THUMPD1: variants seen among roughly 807,000 people sequenced by gnomAD.
The protein encoded by THUMPD1 is THUMP domain 1 NAT10 acetyltransferase adaptor, also known as THUMP domain-containing protein 1.
THUMPD1 carries 31 observed loss-of-function variants against 31.6 expected under a neutral mutation model. That is an observed-to-expected ratio of 0.98 (90% CI 0.74 to 1.32). The LOEUF (loss-of-function observed/expected upper bound fraction) is 1.32, where lower values mean the gene tolerates loss of function less well. Ranked by LOEUF, THUMPD1 falls within the 40% of genes most tolerant of loss-of-function variation. The pLI is 0.00. For missense variants in THUMPD1, 446 were observed against 427.8 expected (o/e 1.04, Z -0.38); for synonymous variants, 166 against 158.2 (o/e 1.05, Z -0.37).
At chr16:20,738,041 A>G (rs1056663863) in intron 2 of THUMPD1, 85 bp from the exon 3 acceptor site, 19 of 1,233,634 alleles carry the variant, frequency 1.5e-5, no homozygotes, top group Middle Eastern at 2.6e-4. Context: ...TGGCAATGAC[A>G]TAAGTTGACA....
intron 2 of THUMPD1, chr16:20,738,640 C>A: frequency 2.3e-6 from 1 of 436,428 alleles, no homozygotes; most frequent in Non-Finnish European, 4.1e-6. Flanking sequence ...CTTATTTACA[C>A]AGAACTGGCA....
intron 1 of THUMPD1, among the ~76,000 whole-genome samples, chr16:20,739,448 G>A (rs1341699603): frequency 6.6e-6 from 1 of 152,096 alleles, no homozygotes; most frequent in Admixed American, 6.5e-5. Flanking sequence ...TGGGATTACA[G>A]GTGTGAGCTA....
chr16:20,737,347 A>G (rs2079880061), intron 3 of THUMPD1, 61 bp from the exon 4 acceptor site: 4 of 1,504,208 alleles, frequency 2.7e-6, no homozygotes, highest in Non-Finnish European at 3.5e-6. Flanking sequence ...GATAGATACA[A>G]AAAATCTTTT....
rs1190018424 is a variant in THUMPD1, at chr16:20,738,080, G to C, written c.407-124C>G. The stretch of plus-strand genomic sequence containing the variant: ...GAAATTCTCATAATGAATTTTAAAT[G>C]AATCTACCTAGTCATTCTTTCCAAA... On this transcript the variant is annotated intron_variant, in intron 2 of 3. Transcript: ENST00000396083. 11 of 889,852 alleles carry C rather than the reference G, an allele frequency of 1.2e-5. No homozygotes were observed. The Middle Eastern group carries it at 9.6e-4, about 78-fold the overall frequency. 55.1% of individuals were successfully genotyped at this position (889,852 alleles called of 1,614,324 possible).
rs2079865712 is a variant in THUMPD1, at chr16:20,735,996, T to C, written c.*884A>G. On this transcript the variant is annotated 3_prime_UTR_variant, in exon 4 of 4. Transcript: ENST00000396083. ...TTAAACCTTTTGACTAAAGGTGATT[T>C]CTGAACAAAAGCCTTACTGTTTTTG... is the stretch of plus-strand genomic sequence containing the variant. The C allele has an allele frequency of 6.6e-6, 1 of 152,226 alleles. No homozygotes were observed. The highest frequency in any genetic ancestry group is 2.1e-4 in the South Asian group (1 of 4,828). 9.4% of individuals were successfully genotyped at this position (152,226 alleles called of 1,614,324 possible).
At chr16:20,740,462 GC>G (rs971356906) in intron 1 of THUMPD1, among the ~76,000 whole-genome samples, 2 of 152,170 alleles carry the variant, frequency 1.3e-5, no homozygotes, top group African/African-American at 2.4e-5. Context: ...CCAGCTCTCT[GC>G]CCCCTAGTGC....
chr16:20,739,752 C>T, intron 1 of THUMPD1, among the ~76,000 whole-genome samples: 1 of 150,910 alleles, frequency 6.6e-6, no homozygotes. Flanking sequence ...ACCCAGAAGG[C>T]AGATATTGCA....
In THUMPD1 at chr16:20,741,500, G is replaced by C; in HGVS notation, c.231+9C>G. Reference sequence around the variant, plus strand: ...CAGCCGGCCCGCCCGCCCACCCCGGGACCGGTACCTTTTCTGGCCCATACA... The same window carrying C: ...CAGCCGGCCCGCCCGCCCACCCCGGCACCGGTACCTTTTCTGGCCCATACA... On this transcript the variant is annotated intron_variant, in intron 1 of 3. Coordinates refer to ENST00000396083, the MANE Select transcript of THUMPD1 (RefSeq NM_017736.5). 1 of 214,614 alleles carries C rather than the reference G, an allele frequency of 4.7e-6. No homozygotes were observed. The highest frequency in any genetic ancestry group is 9.4e-6 in the Non-Finnish European group (1 of 106,256). 13.3% of individuals were successfully genotyped at this position (214,614 alleles called of 1,614,324 possible).
chr16:20,739,668 A>G (rs1233529772), intron 1 of THUMPD1, among the ~76,000 whole-genome samples: 1 of 151,880 alleles, frequency 6.6e-6, no homozygotes, highest in Non-Finnish European at 1.5e-5. Context: ...TAAAAATACA[A>G]AAATTAGCCC....
In THUMPD1 at chr16:20,736,737, C is replaced by T. The variant is rs1368239168; in HGVS notation, c.*143G>A. On this transcript the variant is annotated 3_prime_UTR_variant, in exon 4 of 4. Coordinates refer to ENST00000396083, the MANE Select transcript of THUMPD1 (RefSeq NM_017736.5). ...CCTAAAAAAACTGTTAACAGGGCTGCGCAATCATTGCTCACTACTGTGAGA... is the reference window on the plus strand; with the variant it reads ...CCTAAAAAAACTGTTAACAGGGCTGTGCAATCATTGCTCACTACTGTGAGA... 2.6e-5 allele frequency: 21 copies of T among 795,260 alleles called. No homozygotes were observed. Among genetic ancestry groups the T allele is most frequent in the East Asian group, 5.3e-5 (2 of 37,542 alleles). 49.3% of individuals were successfully genotyped at this position (795,260 alleles called of 1,614,324 possible).
chr16:20,736,106 G>A lies in THUMPD1; in HGVS notation c.*774C>T, dbSNP rs2079866715. 1 of 152,174 alleles carries A rather than the reference G, an allele frequency of 6.6e-6. No individual in the cohort carries two copies. The highest frequency in any genetic ancestry group is 1.5e-5 in the Non-Finnish European group (1 of 68,026). 9.4% of individuals were successfully genotyped at this position (152,174 alleles called of 1,614,324 possible). A position where few individuals can be genotyped will look rare whatever the true frequency, so the allele number is the denominator to read the frequency against. On this transcript the variant is annotated 3_prime_UTR_variant, in exon 4 of 4. Transcript: ENST00000396083. The stretch of plus-strand genomic sequence containing the variant: ...ATTGTTACAATTGCTAGTTTTGTAA[G>A]TTGCATGTCACAGACAATGCACAAT...
At chr16:20,739,110 G>C in intron 1 of THUMPD1, 39 bp from the exon 2 acceptor site, 1 of 1,602,060 alleles carries the variant, frequency 6.2e-7, no homozygotes. Context: ...TGACACAACA[G>C]CTCACATTTA....
At chr16:20,741,479 C>CGGGGGGGGGGGGGGG in intron 1 of THUMPD1, 30 bp downstream of exon 1, 163 of 1,329,448 alleles carry the variant, frequency 1.2e-4, no homozygotes, top group East Asian at 3.1e-4. Flanking sequence ...GCCTGGCAGC[C>CGGGGGGGGGGGGGGG]GGCCCGCCCG....
intron 1 of THUMPD1, among the ~76,000 whole-genome samples, chr16:20,739,453 G>A (rs1021083253): frequency 2.0e-5 from 3 of 152,060 alleles, no homozygotes; most frequent in Non-Finnish European, 4.4e-5. Flanking sequence ...TTACAGGTGT[G>A]AGCTACCATG....
At chr16:20,741,423 T>C (rs899160493) in intron 1 of THUMPD1, 86 bp downstream of exon 1, 36 of 1,431,616 alleles carry the variant, frequency 2.5e-5, no homozygotes, top group Non-Finnish European at 2.9e-5. Context: ...GAGGCGCGCA[T>C]GCCCATACCA....
chr16:20,738,568 C>G (rs955854456), intron 2 of THUMPD1, among the ~76,000 whole-genome samples: 1 of 152,142 alleles, frequency 6.6e-6, no homozygotes, highest in Admixed American at 6.5e-5. Flanking sequence ...TTGAGAAATT[C>G]AAATACCTGG....
intron 2 of THUMPD1, 93 bp downstream of exon 2, chr16:20,738,804 T>G: frequency 7.0e-7 from 1 of 1,431,024 alleles, no homozygotes. Context: ...AACTGAGTCA[T>G]GCCCAAGAAG....
rs201853724 is a variant in THUMPD1, at chr16:20,737,013, G to A, written c.929C>T (p.Pro310Leu). 25 of 1,613,998 alleles carry A rather than the reference G, an allele frequency of 1.5e-5. No individual in the cohort carries two copies. In the Middle Eastern group the frequency reaches 4.9e-4, roughly 32 times the overall value. ...CTGCCCCAGCTCCTCAGTATTCTCT[G>A]GTACCTGCTGGTTATTTTTTCCTTC... ...TAEGKNNQQVPENTEELGQTK... is the reference protein window; with the variant it reads ...TAEGKNNQQVLENTEELGQTK... Residue 310 changes from proline (P) to leucine (L), a missense_variant, in exon 4 of 4, where the codon CCA (proline) becomes CTA (leucine). Pro to Leu is a moderately conservative substitution (Grantham distance 98, BLOSUM62 -3). Coordinates refer to ENST00000396083, the MANE Select transcript of THUMPD1 (RefSeq NM_017736.5).
At chr16:20,740,883 T>G (rs11863679) in intron 1 of THUMPD1, among the ~76,000 whole-genome samples, 7,321 of 152,274 alleles carry the variant, frequency 0.048, 593 homozygotes, top group African/African-American at 0.17. Flanking sequence ...GGTAAACACA[T>G]TATTACTCCA....
Sources: allele counts gnomAD v4.1 joint callset (sites outside exome capture counted in the v4.1 genomes callset), GRCh38; gene constraint gnomAD v4.1.1; transcripts MANE v1.5; gene names NCBI Gene and HGNC (gene_info 2026-07-23, HGNC 2026-07-21).